Variants in GTF2H1 observed in about 807,000 individuals in gnomAD.
GTF2H1 encodes BTF2 p62.
Under a neutral mutation model 71.2 loss-of-function variants are expected in GTF2H1, and 16 were observed. The ratio of observed to expected loss-of-function variants is 0.22; its 90% CI spans 0.15 to 0.34. The LOEUF is 0.34. Ranked by LOEUF, GTF2H1 falls within the 10% of genes least tolerant of loss-of-function variation. The pLI is 1.00. For synonymous variants in GTF2H1, 215 were observed against 219.0 expected (o/e 0.98, Z 0.16); for missense variants, 498 against 648.2 (o/e 0.77, Z 2.52).
intron 7 of GTF2H1, among the ~76,000 whole-genome samples, chr11:18,344,680 C>T (rs1379054413): frequency 6.6e-6 from 1 of 151,276 alleles, no homozygotes; most frequent in African/African-American, 2.4e-5. Flanking sequence ...CTATGTGAAT[C>T]TCTTCATTAT....
At chr11:18,332,089 AT>A (rs1324525621) in intron 1 of GTF2H1, among the ~76,000 whole-genome samples, 1 of 70,166 alleles carries the variant, frequency 1.4e-5, no homozygotes, top group Admixed American at 1.5e-4. Flanking sequence ...GGCCTCCCAA[AT>A]TGCGGGGGGT....
intron 7 of GTF2H1, chr11:18,347,102 G>A (rs1383597020): frequency 6.6e-6 from 1 of 151,972 alleles, no homozygotes; most frequent in Non-Finnish European, 1.5e-5. Flanking sequence ...ACCACGCACG[G>A]TGGCTCACAC....
In GTF2H1 at chr11:18,366,121, A is replaced by G. The variant is rs543214442; in HGVS notation, c.*252A>G. 1,431 of 509,560 alleles carry G rather than the reference A, an allele frequency of 2.8e-3. 8 individuals carry two copies. The highest frequency in any genetic ancestry group is 0.018 in the Middle Eastern group (34 of 1,914). 31.6% of individuals were successfully genotyped at this position (509,560 alleles called of 1,614,324 possible). ...AAGTTGCAAATATATATATATACAC[A>G]CACACACATATATGTACATGTGTAT... is the stretch of plus-strand genomic sequence containing the variant. On this transcript the variant is annotated 3_prime_UTR_variant, in exon 15 of 15. Transcript: ENST00000265963.
At chr11:18,336,693 T>G (rs1363592928) in intron 3 of GTF2H1, among the ~76,000 whole-genome samples, 1 of 152,164 alleles carries the variant, frequency 6.6e-6, no homozygotes, top group Non-Finnish European at 1.5e-5. Flanking sequence ...GGAAGTATGC[T>G]TATGAACAAG....
chr11:18,356,039 C>T (rs115503886), intron 11 of GTF2H1, among the ~76,000 whole-genome samples: 1 of 152,174 alleles, frequency 6.6e-6, no homozygotes, highest in Non-Finnish European at 1.5e-5. Context: ...TACATCTGCC[C>T]TGTCCCAGGC....
In GTF2H1 at chr11:18,347,649, A is replaced by G. The variant is rs778919959; in HGVS notation, c.899A>G (p.Asn300Ser). 23 of 1,611,618 alleles carry G rather than the reference A, an allele frequency of 1.4e-5. No individual in the cohort carries two copies. Among genetic ancestry groups the G allele is most frequent in the Non-Finnish European group, 1.8e-5 (21 of 1,177,712 alleles). ...TCTAAATCCATAAAAGAGAATAGTA[A>G]TGCTGCCATCATCAAGAGATTTAAC... ...SNSKSIKENS[N>S]AAIIKRFNHH... The change falls in exon 8 of 15, where the codon AAT becomes AGT. Residue 300 changes from asparagine to serine, a missense_variant. This residue lies in a region of GTF2H1 where 266 missense variants were observed against 301.6 expected (regional missense o/e 0.88). Transcript: ENST00000265963.
chr11:18,359,690 G>A (rs576238670), intron 13 of GTF2H1, among the ~76,000 whole-genome samples: 2 of 152,118 alleles, frequency 1.3e-5, no homozygotes, highest in Admixed American at 6.6e-5. Flanking sequence ...ATATTCATAC[G>A]TTGAAAGACA....
intron 9 of GTF2H1, among the ~76,000 whole-genome samples, chr11:18,350,914 T>C (rs573052665): frequency 4.9e-4 from 74 of 152,322 alleles, no homozygotes; most frequent in South Asian, 1.0e-3. Flanking sequence ...ATAAAATTAA[T>C]GAATAAAATT....
chr11:18,343,371 G>C (rs183878622), intron 7 of GTF2H1, among the ~76,000 whole-genome samples: 9 of 152,316 alleles, frequency 5.9e-5, no homozygotes, highest in African/African-American at 2.2e-4. Flanking sequence ...TTAGATGCCT[G>C]CATAGTATTC....
rs374033763 is a variant in GTF2H1 at position 18,345,579 on chromosome 11, A to G, written c.838-2009A>G. Among the ~76,000 whole-genome samples, 5 of 150,620 alleles carry G rather than the reference A, an allele frequency of 3.3e-5. No homozygotes were observed. The East Asian group carries it at 5.9e-4, about 18-fold the overall frequency. On this transcript the variant is annotated intron_variant, in intron 7 of 14. Coordinates refer to ENST00000265963, the MANE Select transcript of GTF2H1 (RefSeq NM_005316.4). ...AGTGGCGTGATCTCAGCTCACTGCA[A>G]TCTCTGCCTCCCGAGTTCAAGCACT...
At chr11:18,360,754 T>C in intron 14 of GTF2H1, 47 bp downstream of exon 14, 1 of 966,352 alleles carries the variant, frequency 1.0e-6, no homozygotes, top group Non-Finnish European at 1.6e-6. Context: ...CTCTTTGTAG[T>C]AAAATGATGA....
At chr11:18,335,249 CTTTTAA>C (rs1864997705) in intron 2 of GTF2H1, among the ~76,000 whole-genome samples, 2 of 152,190 alleles carry the variant, frequency 1.3e-5, no homozygotes. Flanking sequence ...GGTTGTCTCA[CTTTTAA>C]TGAGGCTAAG....
chr11:18,359,901 C>A (rs1865656327), intron 13 of GTF2H1, among the ~76,000 whole-genome samples: 1 of 151,404 alleles, frequency 6.6e-6, no homozygotes, highest in Admixed American at 6.6e-5. Context: ...GCAGGCAGAT[C>A]GCTTGAGCTC....
At chr11:18,330,207 T>G (rs1477448710) in intron 1 of GTF2H1, among the ~76,000 whole-genome samples, 1 of 152,200 alleles carries the variant, frequency 6.6e-6, no homozygotes, top group Non-Finnish European at 1.5e-5. Flanking sequence ...GCTTTCTGAG[T>G]GAAGAAACTG....
At position 18,362,918 on chromosome 11, in the gene GTF2H1, C is replaced by G. The variant is rs181800026; in HGVS notation, c.1560+2211C>G. Among the ~76,000 whole-genome samples the G allele has an allele frequency of 5.5e-4, 83 of 152,290 alleles. 1 individual carries two copies. The highest frequency in any genetic ancestry group is 1.8e-3 in the African/African-American group (73 of 41,574). On this transcript the variant is annotated intron_variant, in intron 14 of 14. Coordinates refer to ENST00000265963, the MANE Select transcript of GTF2H1 (RefSeq NM_005316.4). ...ACTCCTGACCTCGTGATCCACCCACCTCGGCCTCACAAAGTGCTGGGATTA... is the reference window on the plus strand; with the variant it reads ...ACTCCTGACCTCGTGATCCACCCACGTCGGCCTCACAAAGTGCTGGGATTA...
intron 8 of GTF2H1, 39 bp downstream of exon 8, chr11:18,347,754 C>T: frequency 1.2e-6 from 2 of 1,603,426 alleles, no homozygotes; most frequent in Non-Finnish European, 1.7e-6. Context: ...CTGGGCTTTT[C>T]AGGATATCCA....
At chr11:18,349,411 C>T (rs4150643) in intron 9 of GTF2H1, among the ~76,000 whole-genome samples, 1 of 151,986 alleles carries the variant, frequency 6.6e-6, no homozygotes, top group East Asian at 1.9e-4. Context: ...GGCCAGGAGC[C>T]GTGGCTCACA....
At chr11:18,362,239 C>T (rs1865719641) in intron 14 of GTF2H1, among the ~76,000 whole-genome samples, 1 of 152,072 alleles carries the variant, frequency 6.6e-6, no homozygotes, top group African/African-American at 2.4e-5. Context: ...AGAAAAGTTG[C>T]AGTAAAAATT....
In GTF2H1 at chr11:18,335,780, G is replaced by T. The variant is rs769314861; in HGVS notation, c.181G>T (p.Ala61Ser). The T allele has an allele frequency of 6.2e-7, 1 of 1,613,824 alleles. No individual in the cohort carries two copies. The highest frequency in any genetic ancestry group is 8.5e-7 in the Non-Finnish European group (1 of 1,179,896). Residue 61 changes from alanine to serine, a missense_variant, in exon 3 of 15, where the codon GCT (alanine) becomes TCT (serine). This residue lies in a region of GTF2H1 where 216 missense variants were observed against 306.2 expected (regional missense o/e 0.71). Transcript: ENST00000265963. ...KCQKISPEGK[A>S]KIQLQLVLHA... ...CCAGAAAATTAGTCCAGAAGGAAAA[G>T]CTAAAATTCAGCTTCAGCTGGTCCT...
Sources: gnomAD v4.1 joint callset for allele counts (sites outside exome capture counted in the v4.1 genomes callset) on GRCh38, gnomAD v4.1.1 for gene constraint, gnomAD v4.1.1 regional missense constraint, MANE v1.5 for transcripts, NCBI Gene and HGNC (gene_info 2026-07-23, HGNC 2026-07-21) for gene names.